Variants in RXRG observed in about 807,000 individuals in gnomAD.
RXRG encodes the protein retinoid X receptor gamma.
In RXRG, 19 loss-of-function variants were observed where a neutral mutation model predicts 49.2. The observed-to-expected ratio is 0.39, with a 90% CI of 0.27 to 0.57. RXRG has a LOEUF of 0.57. RXRG is among the 20% of genes least tolerant of loss of function. The pLI, the probability that RXRG is intolerant of heterozygous loss-of-function variation, is 0.64. For synonymous variants in RXRG, 224 were observed against 216.6 expected (o/e 1.03, Z -0.30); for missense variants, 452 against 592.5 (o/e 0.76, Z 2.46).
intron 6 of RXRG, 56 bp downstream of exon 6, chr1:165,410,646 A>T: frequency 6.2e-7 from 1 of 1,603,674 alleles, no homozygotes; most frequent in Non-Finnish European, 8.5e-7. Flanking sequence ...TTTTTTTAGG[A>T]TCCCAAGAGC....
chr1:165,431,870 G>C (rs2101738672), intron 1 of RXRG, among the ~76,000 whole-genome samples: 1 of 152,232 alleles, frequency 6.6e-6, no homozygotes, highest in South Asian at 2.1e-4. Context: ...TATGCTTTCT[G>C]TTTCCTTTTG....
intron 1 of RXRG, among the ~76,000 whole-genome samples, chr1:165,444,334 TC>T (rs1659093094): frequency 6.6e-6 from 1 of 152,242 alleles, no homozygotes; most frequent in Non-Finnish European, 1.5e-5. Flanking sequence ...CACTATGTTT[TC>T]TTTTTAAAAA....
At chr1:165,444,198 A>G (rs1396879809) in intron 1 of RXRG, among the ~76,000 whole-genome samples, 1 of 152,084 alleles carries the variant, frequency 6.6e-6, no homozygotes, top group African/African-American at 2.4e-5. Flanking sequence ...CTCTACCCCC[A>G]GAGTGGAAGT....
intron 9 of RXRG, among the ~76,000 whole-genome samples, chr1:165,405,345 A>G (rs998340837): frequency 2.6e-5 from 4 of 152,208 alleles, no homozygotes; most frequent in African/African-American, 9.6e-5. Flanking sequence ...CCAGGTCCTG[A>G]CCCCTTGGCC....
intron 1 of RXRG, among the ~76,000 whole-genome samples, chr1:165,432,731 G>GT (rs1261808495): frequency 6.6e-6 from 1 of 152,178 alleles, no homozygotes; most frequent in Non-Finnish European, 1.5e-5. Flanking sequence ...AAACTGACAG[G>GT]TTTCCCTTCA....
At chr1:165,428,606 C>A (rs1658566374) in intron 2 of RXRG, 113 bp downstream of exon 2, 18 of 1,290,054 alleles carry the variant, frequency 1.4e-5, no homozygotes, top group Middle Eastern at 2.7e-4. Context: ...ACCATTCAAA[C>A]CCTTTGGCAA....
At chr1:165,401,542 G>A (rs1256186242) in intron 9 of RXRG, 132 bp from the exon 10 acceptor site, 2 of 955,656 alleles carry the variant, frequency 2.1e-6, no homozygotes, top group Non-Finnish European at 3.2e-6. Flanking sequence ...TAGACAAGGG[G>A]GTCACAGAAT....
chr1:165,421,871 T>C (rs961100924), intron 2 of RXRG, among the ~76,000 whole-genome samples: 1 of 152,178 alleles, frequency 6.6e-6, no homozygotes, highest in East Asian at 1.9e-4. Flanking sequence ...GACATTAATG[T>C]GCATCCAGGG....
chr1:165,437,227 T>A, intron 1 of RXRG: 1 of 1,367,164 alleles, frequency 7.3e-7, no homozygotes, highest in Non-Finnish European at 9.8e-7. Context: ...TGCCAGTCAG[T>A]CAGTCAGCCA....
intron 6 of RXRG, among the ~76,000 whole-genome samples, chr1:165,410,372 T>C (rs144120429): frequency 2.3e-4 from 35 of 152,332 alleles, no homozygotes; most frequent in African/African-American, 8.2e-4. Flanking sequence ...TTTGGCTTCT[T>C]TATCTCACCT....
At chr1:165,418,718 A>G (rs897707147) in intron 3 of RXRG, among the ~76,000 whole-genome samples, 4 of 152,190 alleles carry the variant, frequency 2.6e-5, no homozygotes, top group African/African-American at 9.6e-5. Flanking sequence ...TATGGGACCA[A>G]TTTTTCAACT....
At chr1:165,425,482 A>G (rs1410532140) in intron 2 of RXRG, among the ~76,000 whole-genome samples, 1 of 152,186 alleles carries the variant, frequency 6.6e-6, no homozygotes, top group Admixed American at 6.5e-5. Flanking sequence ...AGTTATTGGG[A>G]TGAATGTCAA....
chr1:165,402,365 C>A (rs1259269274), intron 9 of RXRG, among the ~76,000 whole-genome samples: 1 of 152,224 alleles, frequency 6.6e-6, no homozygotes, highest in South Asian at 2.1e-4. Context: ...GGATTACAGG[C>A]GTGAGCCACC....
chr1:165,408,280 T>C lies in RXRG; in HGVS notation c.1085A>G (p.Gln362Arg), dbSNP rs781651063. 2.5e-6 allele frequency: 4 copies of C among 1,614,102 alleles called. No individual in the cohort carries two copies. The East Asian group carries it at 8.9e-5, about 36-fold the overall frequency. Residue 362 changes from glutamine (Q) to arginine (R), a missense_variant, in exon 8 of 10, where the codon CAG (glutamine) becomes CGG (arginine). Physicochemically the swap from Gln to Arg is conservative, Grantham distance 43. Around this residue, in one of 2 missense-constraint regions of RXRG, gnomAD observed 286 missense variants for 440.9 expected, o/e 0.65. Transcript: ENST00000359842. ...GCATCCCAGTTCCGACTTGTCCATCTGCATGTCTTTCATTTTGGAAACCAG... is the reference window on the plus strand; with the variant it reads ...GCATCCCAGTTCCGACTTGTCCATCCGCATGTCTTTCATTTTGGAAACCAG... ...TELVSKMKDM[Q>R]MDKSELGCLR... is the part of the protein sequence containing the mutation.
In RXRG at chr1:165,401,377, C is replaced by T. The variant is rs574052967; in HGVS notation, c.1278G>A (p.Leu426=). The T allele has an allele frequency of 2.0e-5, 33 of 1,614,170 alleles. No individual in the cohort carries two copies. The East Asian group carries it at 6.2e-4, about 31-fold the overall frequency. ...CCAGGCATTTCAAGCCAATGGAACG[C>T]AGAGCTGGGAGGCGCAGCAGCAGCT... ...FAKLLLRLPA[L]RSIGLKCLEH... is the part of the protein sequence containing the mutation. Residue 426 remains leucine (L), a synonymous_variant, in exon 10 of 10, where the codon CTG becomes CTA. Transcript: ENST00000359842.
At chr1:165,411,963 AAT>A (rs1474327811) in intron 4 of RXRG, among the ~76,000 whole-genome samples, 1 of 152,212 alleles carries the variant, frequency 6.6e-6, no homozygotes, top group Non-Finnish European at 1.5e-5. Flanking sequence ...AACAGAATTC[AAT>A]ATTAGAACAC....
At chr1:165,440,875 A>G (rs957973930) in intron 1 of RXRG, among the ~76,000 whole-genome samples, 6 of 152,192 alleles carry the variant, frequency 3.9e-5, no homozygotes, top group Non-Finnish European at 5.9e-5. Context: ...CCCAGTTGCT[A>G]TTCAGCTCTC....
chr1:165,409,015 T>A (rs946885661), intron 7 of RXRG, among the ~76,000 whole-genome samples: 8 of 152,192 alleles, frequency 5.3e-5, no homozygotes, highest in Non-Finnish European at 1.2e-4. Flanking sequence ...TCCTTTAGTA[T>A]CATTTAAGGC....
Position 165,445,006 on chromosome 1 carries a change from C to A in RXRG, c.-113G>T. 3 of 946,000 alleles carry A rather than the reference C, an allele frequency of 3.2e-6. No homozygotes were observed. In the South Asian group the frequency reaches 4.1e-5, roughly 13 times the overall value. The allele number at this position is 946,000 out of a possible 1,614,324, so 58.6% of individuals were successfully genotyped here. A position where few individuals can be genotyped will look rare whatever the true frequency, so the allele number is the denominator to read the frequency against. ...AACTTGGGCTAACAAGAGTGGTCATCGCTTCCTAGCAGCCCGGGGAGCACA... is the reference window on the plus strand; with the variant it reads ...AACTTGGGCTAACAAGAGTGGTCATAGCTTCCTAGCAGCCCGGGGAGCACA... On this transcript the variant is annotated 5_prime_UTR_variant, in exon 1 of 10. Transcript: ENST00000359842.
Sources: allele counts gnomAD v4.1 joint callset (sites outside exome capture counted in the v4.1 genomes callset), GRCh38; gene constraint gnomAD v4.1.1; regional missense constraint gnomAD v4.1.1; transcripts MANE v1.5; gene names NCBI Gene and HGNC (gene_info 2026-07-23, HGNC 2026-07-21).